CORO2B: variants seen among roughly 807,000 people sequenced by gnomAD.
The protein encoded by CORO2B is coronin-2B.
CORO2B carries 26 observed loss-of-function variants against 58.8 expected under a neutral mutation model. The ratio of observed to expected loss-of-function variants is 0.44; its 90% CI spans 0.32 to 0.61. The LOEUF (loss-of-function observed/expected upper bound fraction) is 0.61, where lower values mean the gene tolerates loss of function less well. Among genes scored for constraint, CORO2B ranks in the 20% least tolerant of loss-of-function variants. The pLI is 0.04. For synonymous variants in CORO2B, 242 were observed against 253.8 expected, an observed-to-expected ratio of 0.95 and a Z score of 0.44; for missense variants, 460 against 645.1, an observed-to-expected ratio of 0.71 and a Z score of 3.11.
intron 4 of CORO2B, 123 bp downstream of exon 4, chr15:68,711,004 T>TATTCATTC (rs145747154): frequency 7.4e-6 from 8 of 1,085,380 alleles, no homozygotes; most frequent in African/African-American, 4.8e-5. Context: ...TTCATTTGCT[T>TATTCATTC]ATTCATTCAT....
At chr15:68,680,941 C>T (rs950106144) in intron 2 of CORO2B, among the ~76,000 whole-genome samples, 1 of 152,154 alleles carries the variant, frequency 6.6e-6, no homozygotes, top group Non-Finnish European at 1.5e-5. Context: ...GGGCCGGGCG[C>T]GGTGGCTCAC....
chr15:68,549,250 C>T, the CORO2B span, among the ~76,000 whole-genome samples: 4 of 152,214 alleles, frequency 2.6e-5, no homozygotes, highest in Admixed American at 2.0e-4. Flanking sequence ...AAAACTGCAG[C>T]TCACAGGCCA....
At chr15:68,669,059 GAA>G (rs1432782347) in intron 2 of CORO2B, among the ~76,000 whole-genome samples, 1 of 143,908 alleles carries the variant, frequency 6.9e-6, no homozygotes, top group African/African-American at 2.7e-5. Flanking sequence ...CCATCAGAAA[GAA>G]AGAGAGAAAG....
At chr15:68,720,602 C>T (rs1482101091) in intron 11 of CORO2B, among the ~76,000 whole-genome samples, 4 of 152,132 alleles carry the variant, frequency 2.6e-5, no homozygotes, top group African/African-American at 9.7e-5. Flanking sequence ...GGAGTGAGGG[C>T]CTCAGTTTCT....
At chr15:68,718,334 C>T (rs1034265533) in intron 8 of CORO2B, among the ~76,000 whole-genome samples, 37 of 152,170 alleles carry the variant, frequency 2.4e-4, no homozygotes, top group African/African-American at 8.7e-4. Context: ...GCTCTGTGGC[C>T]CTGCCCCTGC....
chr15:68,531,359 C>T, the CORO2B span, among the ~76,000 whole-genome samples: 4 of 63,996 alleles, frequency 6.3e-5, no homozygotes, highest in East Asian at 4.7e-4. Context: ...AAGCCGAGTG[C>T]GGTGATGTGT....
intron 1 of CORO2B, among the ~76,000 whole-genome samples, chr15:68,623,452 C>A (rs1399377453): frequency 3.3e-5 from 5 of 152,172 alleles, no homozygotes. Context: ...CCAGTCTGGC[C>A]CACCCACAGC....
chr15:68,586,543 T>C (rs1899562368), intron 1 of CORO2B, among the ~76,000 whole-genome samples: 1 of 152,156 alleles, frequency 6.6e-6, no homozygotes, highest in Non-Finnish European at 1.5e-5. Flanking sequence ...GGTACAAGTA[T>C]CCACTCATTT....
rs111249770 is a variant in CORO2B at position 68,645,963 on chromosome 15, G to A, written c.216+603G>A. 0.15 allele frequency among the ~76,000 whole-genome samples: 22,357 copies of A among 151,776 alleles called. 2,097 individuals carry two copies. Among genetic ancestry groups the A allele is most frequent in the Non-Finnish European group, 0.2 (13,504 of 67,912 alleles). On this transcript the variant is annotated intron_variant, in intron 2 of 11. Coordinates refer to ENST00000261861, the MANE Select transcript of CORO2B (RefSeq NM_006091.5). The surrounding 1 kb of genome is among the most constrained non-coding windows in gnomAD (Gnocchi z 4.5). ...TAATTTTTGTATTTTCAGTAGAGAT[G>A]GGGTTTCACCATGTTGGTCAGGCTG...
chr15:68,564,153 G>C, the CORO2B span, among the ~76,000 whole-genome samples: 3 of 152,174 alleles, frequency 2.0e-5, no homozygotes, highest in African/African-American at 7.2e-5. Flanking sequence ...AATGTGTTGA[G>C]GGGGATAGCA....
At chr15:68,610,447 C>T (rs868498854) in intron 1 of CORO2B, among the ~76,000 whole-genome samples, 1 of 152,046 alleles carries the variant, frequency 6.6e-6, no homozygotes, top group Admixed American at 6.5e-5. Flanking sequence ...GGCTTGTCTT[C>T]CTCCCTGATC....
At chr15:68,589,947 C>G (rs946781088) in intron 1 of CORO2B, among the ~76,000 whole-genome samples, 2 of 152,338 alleles carry the variant, frequency 1.3e-5, no homozygotes, top group East Asian at 3.9e-4. Flanking sequence ...GGCTGCCCCC[C>G]TGGCCTCCAC....
intron 2 of CORO2B, among the ~76,000 whole-genome samples, chr15:68,682,608 T>C (rs1354881680): frequency 1.3e-5 from 2 of 152,160 alleles, no homozygotes; most frequent in Non-Finnish European, 2.9e-5. Context: ...CAGTGAGCGA[T>C]TGGTAATGCC....
the CORO2B span, among the ~76,000 whole-genome samples, chr15:68,546,570 T>C: frequency 6.6e-6 from 1 of 152,196 alleles, no homozygotes; most frequent in Non-Finnish European, 1.5e-5. Flanking sequence ...GAGCTGCTGT[T>C]GGCTTTCTGC....
At chr15:68,575,479 T>G (rs1209112159), upstream of CORO2B, among the ~76,000 whole-genome samples, 1 of 146,314 alleles carries the variant, frequency 6.8e-6, no homozygotes, top group Non-Finnish European at 1.5e-5. Flanking sequence ...GGATTACAGG[T>G]GCCCACCACC....
In CORO2B at chr15:68,613,171, C is replaced by G. The variant is rs143252683; in HGVS notation, c.16-31989C>G. The stretch of plus-strand genomic sequence containing the variant: ...TACACCCAGTTGGCCAACACTTTAT[C>G]GCATGACCACATACTAGGTTGCAAA... On this transcript the variant is annotated intron_variant, in intron 1 of 11. Coordinates refer to ENST00000261861, the MANE Select transcript of CORO2B (RefSeq NM_006091.5). Among the ~76,000 whole-genome samples the G allele has an allele frequency of 2.5e-3, 375 of 152,246 alleles. 3 individuals are homozygous for G. The highest frequency in any genetic ancestry group is 8.7e-3 in the African/African-American group (360 of 41,544).
intron 11 of CORO2B, among the ~76,000 whole-genome samples, chr15:68,721,878 G>A (rs1225474046): frequency 6.6e-6 from 1 of 152,012 alleles, no homozygotes; most frequent in Non-Finnish European, 1.5e-5. Context: ...CTTCTGAGTA[G>A]CTGGAACTAG....
chr15:68,582,477 CG>C (rs1899452297), intron 1 of CORO2B, among the ~76,000 whole-genome samples: 1 of 152,194 alleles, frequency 6.6e-6, no homozygotes. Context: ...TTCCCTGAGA[CG>C]AGTAGCTCCA....
the CORO2B span, among the ~76,000 whole-genome samples, chr15:68,549,719 C>G: frequency 1.3e-5 from 2 of 152,086 alleles, no homozygotes; most frequent in African/African-American, 4.8e-5. Context: ...TGGGCAGATC[C>G]TTTGAGGTCA....
Sources: gnomAD v4.1 joint callset for allele counts (sites outside exome capture counted in the v4.1 genomes callset) on GRCh38, gnomAD v4.1.1 for gene constraint, Gnocchi (gnomAD v3.1) non-coding constraint, MANE v1.5 for transcripts, NCBI Gene and HGNC (gene_info 2026-07-23, HGNC 2026-07-21) for gene names.